The following SMYD3 variants were observed in gnomAD, a reference collection of about 807,000 sequenced individuals.
The protein encoded by SMYD3 is SET and MYND domain containing 3.
SMYD3 carries 36 observed loss-of-function variants against 57.7 expected under a neutral mutation model. The observed-to-expected ratio is 0.62, with a 90% CI of 0.48 to 0.82. The LOEUF is 0.82. SMYD3 is among the 40% of genes least tolerant of loss of function. The probability of loss-of-function intolerance (pLI) is 0.00; values close to 1 mark genes in which losing one functional copy is unlikely to be tolerated. For missense variants in SMYD3, 515 were observed against 538.8 expected (o/e 0.96, Z 0.44); for synonymous variants, 211 against 195.0 (o/e 1.08, Z -0.68).
intron 5 of SMYD3, among the ~76,000 whole-genome samples, chr1:246,224,085 T>C (rs1057390710): frequency 1.3e-5 from 2 of 152,112 alleles, no homozygotes; most frequent in African/African-American, 4.8e-5. Flanking sequence ...TTATCTTTTT[T>C]CATACACTGC....
intron 5 of SMYD3, among the ~76,000 whole-genome samples, chr1:246,135,538 G>T (rs2061653722): frequency 6.6e-6 from 1 of 151,860 alleles, no homozygotes; most frequent in African/African-American, 2.4e-5. Flanking sequence ...AAGTCATTAG[G>T]CAAAGAACAT....
At chr1:246,184,593 T>C (rs2062603128) in intron 5 of SMYD3, among the ~76,000 whole-genome samples, 1 of 152,210 alleles carries the variant, frequency 6.6e-6, no homozygotes, top group Non-Finnish European at 1.5e-5. Context: ...CTGATTCTAT[T>C]TGGAGAAGGG....
chr1:246,041,960 C>T (rs535253392), intron 5 of SMYD3, among the ~76,000 whole-genome samples: 1 of 152,270 alleles, frequency 6.6e-6, no homozygotes, highest in African/African-American at 2.4e-5. Context: ...ACACTCTCCA[C>T]CACAAAATTG....
At chr1:246,022,446 A>C (rs1332759712) in intron 5 of SMYD3, among the ~76,000 whole-genome samples, 1 of 152,134 alleles carries the variant, frequency 6.6e-6, no homozygotes, top group Non-Finnish European at 1.5e-5. Flanking sequence ...TTAAATCCTG[A>C]CTTTGACACA....
intron 1 of SMYD3, among the ~76,000 whole-genome samples, chr1:246,492,905 T>C (rs1428030625): frequency 6.6e-6 from 1 of 152,150 alleles, no homozygotes; most frequent in African/African-American, 2.4e-5. Context: ...GGCAGGTACA[T>C]GGTAAAGCCT....
intron 9 of SMYD3, among the ~76,000 whole-genome samples, chr1:245,860,607 G>C (rs1352495833): frequency 2.0e-5 from 3 of 152,198 alleles, no homozygotes; most frequent in Non-Finnish European, 4.4e-5. Flanking sequence ...GATGAGTCCC[G>C]TCTTGGAGGA....
In SMYD3 at chr1:245,785,163, T is replaced by C. The variant is rs145264059; in HGVS notation, c.1077-21014A>G. On this transcript the variant is annotated intron_variant, in intron 10 of 11. Transcript: ENST00000490107. The stretch of plus-strand genomic sequence containing the variant: ...TCCCAAAGTGCTGGAATTACAGGCA[T>C]GAGCCATTACGCCAGGCCAGACTCA... 5.3e-3 allele frequency among the ~76,000 whole-genome samples: 800 copies of C among 152,076 alleles called. 6 individuals carry two copies. Among genetic ancestry groups the C allele is most frequent in the African/African-American group, 0.018 (763 of 41,502 alleles).
At chr1:246,336,941 C>T (rs1444891801) in intron 2 of SMYD3, among the ~76,000 whole-genome samples, 1 of 152,162 alleles carries the variant, frequency 6.6e-6, no homozygotes, top group Non-Finnish European at 1.5e-5. Context: ...AAAGTAAAAA[C>T]ATACAGTTTC....
chr1:245,770,946 G>T (rs1358648260), intron 10 of SMYD3, among the ~76,000 whole-genome samples: 1 of 152,114 alleles, frequency 6.6e-6, no homozygotes, highest in African/African-American at 2.4e-5. Flanking sequence ...CAAAGATACA[G>T]AGACAATGTA....
In SMYD3 at chr1:246,059,754, G is replaced by T. The variant is rs553117139; in HGVS notation, c.532-129817C>A. Among the ~76,000 whole-genome samples, 5 of 152,256 alleles carry T rather than the reference G, an allele frequency of 3.3e-5. No individual in the cohort carries two copies. The East Asian group carries it at 9.6e-4, about 29-fold the overall frequency. ...GATTTCATTTTCTGAAACTCAATCAGGAGAACTAATGAAGAAGAAATGTGC... is the reference window on the plus strand; with the variant it reads ...GATTTCATTTTCTGAAACTCAATCATGAGAACTAATGAAGAAGAAATGTGC... On this transcript the variant is annotated intron_variant, in intron 5 of 11. Transcript: ENST00000490107.
intron 5 of SMYD3, among the ~76,000 whole-genome samples, chr1:245,984,261 G>A (rs1281784054): frequency 6.6e-6 from 1 of 152,082 alleles, no homozygotes; most frequent in Non-Finnish European, 1.5e-5. Context: ...GCCTGCCCAT[G>A]TGCTGGGATT....
chr1:246,171,544 G>A (rs538802557), intron 5 of SMYD3, among the ~76,000 whole-genome samples: 103 of 152,216 alleles, frequency 6.8e-4, no homozygotes, highest in Middle Eastern at 6.8e-3. Context: ...ACACACTAAC[G>A]CAAACCTAGA....
intron 8 of SMYD3, among the ~76,000 whole-genome samples, chr1:245,880,708 A>G (rs913930892): frequency 2.0e-5 from 3 of 152,246 alleles, no homozygotes; most frequent in South Asian, 2.1e-4. Flanking sequence ...TGTATAATTC[A>G]GAAACCTGAG....
At chr1:246,124,768 T>C (rs1401273235) in intron 5 of SMYD3, among the ~76,000 whole-genome samples, 1 of 152,074 alleles carries the variant, frequency 6.6e-6, no homozygotes, top group Non-Finnish European at 1.5e-5. Context: ...TATCTGATGA[T>C]CATACACAGA....
At chr1:246,459,534 TCTCCTG>T (rs2067763807) in intron 1 of SMYD3, among the ~76,000 whole-genome samples, 1 of 152,202 alleles carries the variant, frequency 6.6e-6, no homozygotes, top group African/African-American at 2.4e-5. Context: ...CCCTTCACTC[TCTCCTG>T]CTCTGTCATG....
At chr1:246,262,715 T>C (rs1390914729) in intron 5 of SMYD3, among the ~76,000 whole-genome samples, 1 of 152,154 alleles carries the variant, frequency 6.6e-6, no homozygotes, top group Non-Finnish European at 1.5e-5. Flanking sequence ...TCAATGAAGA[T>C]TCACTGAATT....
At chr1:245,825,562 C>T (rs1032161968) in intron 10 of SMYD3, among the ~76,000 whole-genome samples, 3 of 152,144 alleles carry the variant, frequency 2.0e-5, no homozygotes, top group African/African-American at 2.4e-5. Context: ...CGAGGCCATG[C>T]GTGGCCCTCC....
At chr1:246,399,074 T>G (rs925303109) in intron 1 of SMYD3, among the ~76,000 whole-genome samples, 1 of 152,192 alleles carries the variant, frequency 6.6e-6, no homozygotes, top group African/African-American at 2.4e-5. Context: ...CAGGCTGCAG[T>G]GCAGTGGCAT....
chr1:246,015,764 A>C (rs938525621), intron 5 of SMYD3, among the ~76,000 whole-genome samples: 2 of 152,184 alleles, frequency 1.3e-5, no homozygotes, highest in African/African-American at 4.8e-5. Flanking sequence ...CATGTGTCAA[A>C]GTTTCCTTTC....
Sources: allele counts gnomAD v4.1 joint callset (sites outside exome capture counted in the v4.1 genomes callset), GRCh38; gene constraint gnomAD v4.1.1; transcripts MANE v1.5; gene names NCBI Gene and HGNC (gene_info 2026-07-23, HGNC 2026-07-21).